Variants in ASTN2 observed in about 807,000 individuals in gnomAD.
The protein encoded by ASTN2 is astrotactin-2.
In ASTN2, 54 loss-of-function variants were observed where a neutral mutation model predicts 139.8. The ratio of observed to expected loss-of-function variants is 0.39; its 90% confidence interval spans 0.31 to 0.48. ASTN2 has a LOEUF of 0.48. ASTN2 is among the 20% of genes least tolerant of loss of function. The pLI, the probability that ASTN2 is intolerant of heterozygous loss-of-function variation, is 0.95. For missense variants in ASTN2, 1,565 were observed against 1,725.1 expected (o/e 0.91, Z 1.64); for synonymous variants, 756 against 719.5 (o/e 1.05, Z -0.81).
chr9:116,586,050 C>A (rs1854132959), intron 19 of ASTN2: 1 of 152,170 alleles, frequency 6.6e-6, no homozygotes, highest in Non-Finnish European at 1.5e-5. Context: ...AAAAACTGCT[C>A]CACATTACTA....
chr9:116,842,139 C>G (rs1832281059), intron 11 of ASTN2, among the ~76,000 whole-genome samples: 1 of 152,170 alleles, frequency 6.6e-6, no homozygotes, highest in African/African-American at 2.4e-5. Context: ...GGGAAGGGCC[C>G]TGTAATGAGT....
At chr9:117,364,603 G>T (rs929010060) in intron 1 of ASTN2, among the ~76,000 whole-genome samples, 1 of 152,144 alleles carries the variant, frequency 6.6e-6, no homozygotes, top group African/African-American at 2.4e-5. Context: ...TTAAAATGAA[G>T]TTGTGGCATA....
chr9:117,312,416 C>G (rs536416393), intron 1 of ASTN2, among the ~76,000 whole-genome samples: 77 of 152,312 alleles, frequency 5.1e-4, no homozygotes, highest in African/African-American at 1.6e-3. Flanking sequence ...CCCAGGCGGA[C>G]TGTTAGTCTC....
chr9:117,314,187 C>T (rs573114919), intron 1 of ASTN2, among the ~76,000 whole-genome samples: 5 of 152,256 alleles, frequency 3.3e-5, no homozygotes, highest in Admixed American at 2.0e-4. Flanking sequence ...ACAATGCATC[C>T]GTTTCACTCA....
intron 1 of ASTN2, among the ~76,000 whole-genome samples, chr9:117,345,202 G>GC (rs1344225068): frequency 1.3e-5 from 2 of 152,088 alleles, no homozygotes; most frequent in African/African-American, 2.4e-5. Context: ...CTCATGCTTT[G>GC]TTTTATTATT....
intron 7 of ASTN2, among the ~76,000 whole-genome samples, chr9:116,978,530 T>G (rs1419923223): frequency 7.4e-5 from 10 of 134,320 alleles, no homozygotes; most frequent in Admixed American, 5.2e-4. Context: ...CACAGAGAGA[T>G]AAACCTGTCA....
chr9:116,492,563 C>G (rs191870983), intron 19 of ASTN2, among the ~76,000 whole-genome samples: 22 of 152,226 alleles, frequency 1.4e-4, no homozygotes, highest in Admixed American at 1.1e-3. Flanking sequence ...TGCCTTGACT[C>G]CTGGAGTCTC....
intron 19 of ASTN2, among the ~76,000 whole-genome samples, chr9:116,608,610 G>GTTTGAACAAAATAT (rs1855342822): frequency 1.3e-5 from 2 of 150,546 alleles, no homozygotes; most frequent in South Asian, 2.1e-4. Flanking sequence ...GAACAAAAGA[G>GTTTGAACAAAATAT]TTTGAACAAA....
intron 2 of ASTN2, among the ~76,000 whole-genome samples, chr9:117,283,156 C>A: frequency 6.6e-6 from 1 of 152,166 alleles, no homozygotes; most frequent in Non-Finnish European, 1.5e-5. Flanking sequence ...TGAAACCAGG[C>A]CTCCTGAAGC....
At chr9:116,882,479 AAGG>A (rs1339632799) in intron 10 of ASTN2, among the ~76,000 whole-genome samples, 2 of 152,182 alleles carry the variant, frequency 1.3e-5, no homozygotes, top group Non-Finnish European at 2.9e-5. Context: ...GGAGGCAGAA[AAGG>A]AGGAGGAGGA....
rs1468200920 is a variant in ASTN2 at position 116,423,777 on chromosome 9, C to A, written c.*2074G>T. On this transcript the variant is annotated 3_prime_UTR_variant, in exon 23 of 23. Coordinates refer to ENST00000313400, the MANE Select transcript of ASTN2 (RefSeq NM_001365068.1). ...TCTGCTTTGTTTTCTTTTGTGTTAC[C>A]CATTTTCCCCATATGGATTGAAGTC... Among the ~76,000 whole-genome samples the A allele has an allele frequency of 6.6e-6, 1 of 152,054 alleles. No homozygotes were observed. Among genetic ancestry groups the A allele is most frequent in the Non-Finnish European group, 1.5e-5 (1 of 68,016 alleles).
chr9:116,513,519 T>C (rs1850499277), intron 19 of ASTN2, among the ~76,000 whole-genome samples: 1 of 152,144 alleles, frequency 6.6e-6, no homozygotes, highest in Admixed American at 6.5e-5. Flanking sequence ...TGGCTTTCTC[T>C]GTATTTCCTG....
chr9:116,456,772 T>C (rs921667026), intron 20 of ASTN2, among the ~76,000 whole-genome samples: 1 of 152,168 alleles, frequency 6.6e-6, no homozygotes, highest in African/African-American at 2.4e-5. Context: ...CCTCCTACAA[T>C]ACATGGAAAT....
chr9:116,882,482 G>A (rs553803173), intron 10 of ASTN2, among the ~76,000 whole-genome samples: 14 of 152,138 alleles, frequency 9.2e-5, no homozygotes, highest in Non-Finnish European at 1.9e-4. Context: ...GGCAGAAAAG[G>A]AGGAGGAGGA....
At chr9:116,753,007 A>C (rs1471475772) in intron 13 of ASTN2, among the ~76,000 whole-genome samples, 1 of 152,220 alleles carries the variant, frequency 6.6e-6, no homozygotes, top group Admixed American at 6.5e-5. Flanking sequence ...AATTGCATGC[A>C]TTCCTTAATA....
At chr9:116,675,450 C>A (rs531434064) in intron 16 of ASTN2, among the ~76,000 whole-genome samples, 1 of 152,032 alleles carries the variant, frequency 6.6e-6, no homozygotes, top group African/African-American at 2.4e-5. Flanking sequence ...AGCCCCATTG[C>A]GGGGTGTCTG....
intron 1 of ASTN2, among the ~76,000 whole-genome samples, chr9:117,292,517 T>A (rs1201137934): frequency 6.6e-6 from 1 of 152,170 alleles, no homozygotes; most frequent in Non-Finnish European, 1.5e-5. Flanking sequence ...GGTGGATTTC[T>A]TGGAGGATTA....
intron 20 of ASTN2, among the ~76,000 whole-genome samples, chr9:116,482,324 TCAAAACAAAA>T (rs1014352817): frequency 2.0e-5 from 3 of 152,056 alleles, no homozygotes; most frequent in East Asian, 3.9e-4. Context: ...AGACTCCGTC[TCAAAACAAAA>T]CAAAACAAAA....
At chr9:116,626,615 C>T (rs1375625935) in intron 17 of ASTN2, among the ~76,000 whole-genome samples, 1 of 151,962 alleles carries the variant, frequency 6.6e-6, no homozygotes, top group African/African-American at 2.4e-5. Context: ...ATTGTGATCA[C>T]AGCTTGGAGG....
Sources: allele counts gnomAD v4.1 joint callset (sites outside exome capture counted in the v4.1 genomes callset), GRCh38; gene constraint gnomAD v4.1.1; transcripts MANE v1.5; gene names NCBI Gene and HGNC (gene_info 2026-07-23, HGNC 2026-07-21).